Variants in PLEC observed in about 807,000 individuals in gnomAD.
PLEC encodes hemidesmosomal protein 1.
In PLEC, 216 loss-of-function variants were observed where a neutral mutation model predicts 392.8. The observed-to-expected ratio is 0.55, with a 90% CI of 0.49 to 0.62. The LOEUF is 0.62. Among genes scored for constraint, PLEC ranks in the 20% least tolerant of loss-of-function variants. The pLI, the probability that PLEC is intolerant of heterozygous loss-of-function variation, is 0.00. For synonymous variants in PLEC, 3,621 were observed against 2,980.6 expected, an observed-to-expected ratio of 1.21 and a Z score of -7.00; for missense variants, 6,863 against 6,563.4, an observed-to-expected ratio of 1.05 and a Z score of -1.58.
At position 143,932,908 on chromosome 8, in the gene PLEC, C is replaced by A; in HGVS notation, c.1622G>T (p.Gly541Val). Residue 541 changes from glycine (G) to valine (V), a missense_variant, in exon 14 of 32, where the codon GGC (glycine) becomes GTC (valine). Transcript: ENST00000345136. ...GGGCAGGTCCACACCCCACTCAGCG[C>A]CATCCACACGGTGCTGGTTCTCCTC... is the stretch of plus-strand genomic sequence containing the variant. Reference protein sequence around the residue: ...WVEENQHRVDGAEWGVDLPSV... With the variant: ...WVEENQHRVDVAEWGVDLPSV... 6.2e-7 allele frequency: 1 copy of A among 1,612,628 alleles called. No homozygotes were observed. Among genetic ancestry groups the A allele is most frequent in the East Asian group, 2.2e-5 (1 of 44,876 alleles).
upstream of PLEC, chr8:143,950,955 C>T (rs1285689290): frequency 1.5e-5 from 11 of 723,004 alleles, no homozygotes; most frequent in Admixed American, 3.6e-5. Context: ...TCCAGGACGC[C>T]GGGCCGGCCC....
Position 143,918,384 on chromosome 8 carries a change from G to C in PLEC, c.11437C>G (p.Arg3813Gly). Reference sequence around the variant, plus strand: ...TCCAGGGGAAGGTGGAAGCCCAGGCGGGGGTCCACGATGCCGCCGGTGGCC... The same window carrying C: ...TCCAGGGGAAGGTGGAAGCCCAGGCCGGGGTCCACGATGCCGCCGGTGGCC... ...QLATGGIVDP[R>G]LGFHLPLEVA... The change falls in exon 32 of 32, where the codon CGC becomes GGC. Residue 3813 changes from arginine to glycine, a missense_variant. By Grantham distance (125) the Arg-to-Gly change is moderately radical. Coordinates refer to ENST00000345136, the MANE Select transcript of PLEC (RefSeq NM_201384.3). 2 of 1,566,214 alleles carry C rather than the reference G, an allele frequency of 1.3e-6. No individual in the cohort carries two copies. Among genetic ancestry groups the C allele is most frequent in the Non-Finnish European group, 8.6e-7 (1 of 1,161,674 alleles).
rs1014733737 is a variant in PLEC, at chr8:143,937,535, G to A, written c.265-293C>T. ...TGGAGGGCAGTGGCACTAAAGGGGGGGTCCTCCTGCCTGGCGGTGGCAGCC... is the reference window on the plus strand; with the variant it reads ...TGGAGGGCAGTGGCACTAAAGGGGGAGTCCTCCTGCCTGGCGGTGGCAGCC... On this transcript the variant is annotated intron_variant, in intron 3 of 31. Transcript: ENST00000345136. 7 of 534,600 alleles carry A rather than the reference G, an allele frequency of 1.3e-5. No individual in the cohort carries two copies. In the Admixed American group the frequency reaches 1.8e-4, roughly 14 times the overall value. The allele number at this position is 534,600 out of a possible 1,614,324, so 33.1% of individuals were successfully genotyped here.
At chr8:143,926,021 G>T in intron 30 of PLEC, 137 bp from the exon 31 acceptor site, 1 of 1,026,288 alleles carries the variant, frequency 9.7e-7, no homozygotes, top group East Asian at 2.6e-5. Context: ...CAGCCCGGCG[G>T]AGGAGACAGC....
rs200328762 is a variant in PLEC, at chr8:143,933,076, C to A, written c.1454G>T (p.Arg485Leu). 100 of 1,589,546 alleles carry A rather than the reference C, an allele frequency of 6.3e-5. No individual in the cohort carries two copies. The African/African-American group carries it at 1.2e-3, about 20-fold the overall frequency. Residue 485 changes from arginine (R) to leucine (L), a missense_variant, in exon 14 of 32, where the codon CGC (arginine) becomes CTC (leucine). Arg to Leu is a moderately radical substitution (Grantham distance 102, BLOSUM62 -2). Coordinates refer to ENST00000345136, the MANE Select transcript of PLEC (RefSeq NM_201384.3). ...YRLHERLVAI[R>L]TEYNLRLKAG... ...CTTCAGCCGTAGGTTGTACTCGGTG[C>A]GGATGGCTACCAGGCGCTCGTGCAG...
intron 1 of PLEC, among the ~76,000 whole-genome samples, chr8:143,972,827 G>A (rs376405447): frequency 2.6e-5 from 4 of 152,280 alleles, no homozygotes; most frequent in African/African-American, 9.6e-5. Flanking sequence ...CAAGCAGGTG[G>A]GCAGGCCACT....
At chr8:143,975,004 G>T (rs1833608118), upstream of PLEC, among the ~76,000 whole-genome samples, 1 of 152,206 alleles carries the variant, frequency 6.6e-6, no homozygotes, top group Admixed American at 6.5e-5. The surrounding 1 kb of genome is among the most constrained non-coding windows in gnomAD (Gnocchi z 9.9). Context: ...GGGCGCGGCC[G>T]GCAGGTGGCG....
chr8:143,921,378 C>A lies in PLEC; in HGVS notation c.8443G>T (p.Val2815Phe), dbSNP rs374195278. The change falls in exon 32 of 32, where the codon GTT becomes TTT. Residue 2815 changes from valine to phenylalanine, a missense_variant. By Grantham distance (50) the Val-to-Phe change is conservative. Coordinates refer to ENST00000345136, the MANE Select transcript of PLEC (RefSeq NM_201384.3). ...LLEAQIATGG[V>F]IDPVHSHRVP... is the part of the protein sequence containing the mutation. ...CGGTGGCTGTGCACGGGGTCGATAA[C>A]GCCGCCCGTGGCGATCTGGGCCTCC... The A allele has an allele frequency of 6.2e-7, 1 of 1,613,346 alleles. No homozygotes were observed. The highest frequency in any genetic ancestry group is 2.2e-5 in the East Asian group (1 of 44,868).
rs782015718 is a variant in PLEC at position 143,925,533 on chromosome 8, G to A, written c.4396C>T (p.Arg1466Cys). ...VVRLQLEATE[R>C]QRGGAEGELQ... Reference sequence around the variant, plus strand: ...TCCCCCTCAGCCCCGCCACGCTGGCGCTCGGTGGCCTCCAACTGCAGGCGC... The same window carrying A: ...TCCCCCTCAGCCCCGCCACGCTGGCACTCGGTGGCCTCCAACTGCAGGCGC... The change falls in exon 31 of 32, where the codon CGC becomes TGC. Residue 1466 changes from arginine to cysteine, a missense_variant. By Grantham distance (180) the Arg-to-Cys change is radical. Transcript: ENST00000345136. 15 of 1,595,050 alleles carry A rather than the reference G, an allele frequency of 9.4e-6. No homozygotes were observed. Among genetic ancestry groups the A allele is most frequent in the Middle Eastern group, 1.7e-4 (1 of 6,022 alleles).
At chr8:143,956,873 A>G (rs1022307154), upstream of PLEC, among the ~76,000 whole-genome samples, 2 of 152,188 alleles carry the variant, frequency 1.3e-5, no homozygotes, top group Non-Finnish European at 2.9e-5. Context: ...TGACCCTGGG[A>G]AGGGCTCAGC....
At chr8:143,926,205 A>G (rs1825128914) in intron 30 of PLEC, among the ~76,000 whole-genome samples, 1 of 152,180 alleles carries the variant, frequency 6.6e-6, no homozygotes, top group Admixed American at 6.5e-5. Flanking sequence ...CACACCCAGC[A>G]CACAGCCCTG....
chr8:143,926,689 G>T lies in PLEC; in HGVS notation c.4044+95C>A. On this transcript the variant is annotated intron_variant, in intron 30 of 31. Transcript: ENST00000345136. ...CAGTGGGGAGAGTGGGGAGGGCCAC[G>T]AGAGGTGGCCTCAGGCAGCTCCTGT... The T allele has an allele frequency of 1.2e-5, 12 of 1,027,438 alleles. 1 individual carries two copies. The South Asian group carries it at 1.4e-4, about 12-fold the overall frequency. The allele number at this position is 1,027,438 out of a possible 1,614,324, so 63.6% of individuals were successfully genotyped here.
At chr8:143,926,736 G>T in intron 30 of PLEC, 48 bp downstream of exon 30, 1 of 1,459,596 alleles carries the variant, frequency 6.9e-7, no homozygotes, top group Non-Finnish European at 9.6e-7. Flanking sequence ...GGACACAACA[G>T]GTGGTGAGAT....
Position 143,922,239 on chromosome 8 carries a change from G to A in PLEC, c.7582C>T (p.Gln2528Ter). 1 of 1,587,184 alleles carries A rather than the reference G, an allele frequency of 6.3e-7. No individual in the cohort carries two copies. Among genetic ancestry groups the A allele is most frequent in the South Asian group, 1.1e-5 (1 of 89,252 alleles). ...CGCTGCTGCTCCTCACGCAGCTGCT[G>A]TGCCTTGGCCACCTCGTCCTGGAAG... The part of the protein sequence containing the change: ...QLFQDEVAKA[Q>*]QLREEQQRQQ... Residue 2528 changes from glutamine to a stop codon, truncating the protein, a stop_gained, in exon 32 of 32, where the codon CAG becomes TAG. Transcript: ENST00000345136. LOFTEE classifies it low-confidence loss of function (END_TRUNC).
Position 143,973,012 on chromosome 8 carries a change from G to GC in PLEC, c.70+390dup, listed in dbSNP as rs1301026815. Among the ~76,000 whole-genome samples the GC allele has an allele frequency of 5.9e-5, 9 of 152,218 alleles. No homozygotes were observed. The highest frequency in any genetic ancestry group is 1.3e-4 in the Non-Finnish European group (9 of 68,028). ...CGGCAACTATGTGACCCATTGCCAG[G>GC]CGGCGGAGCTGCCCCTGTTCCATGC... On this transcript the variant is annotated intron_variant, in intron 1 of 31. Transcript: ENST00000356346. The surrounding 1 kb of genome is among the most constrained non-coding windows in gnomAD (Gnocchi z 5.6).
At chr8:143,952,635 C>A (rs1207057138), upstream of PLEC, among the ~76,000 whole-genome samples, 2 of 152,038 alleles carry the variant, frequency 1.3e-5, no homozygotes, top group East Asian at 1.9e-4. Flanking sequence ...TAATCCCCCC[C>A]AGATCTCCAA....
At position 143,917,909 on chromosome 8, in the gene PLEC, G is replaced by A. The variant is rs763522241; in HGVS notation, c.11912C>T (p.Ala3971Val). The A allele has an allele frequency of 1.4e-5, 23 of 1,612,758 alleles. No homozygotes were observed. The highest frequency in any genetic ancestry group is 2.2e-5 in the East Asian group (1 of 44,868). ...GGGGTCGATGACGTAACCGGTGGCC[G>A]CCTGCGCCTCCAGGAGCTCAAAGGC... ...GTAFELLEAQ[A>V]ATGYVIDPIK... is the part of the protein sequence containing the mutation. The change falls in exon 32 of 32, where the codon GCG (alanine) becomes GTG (valine). Residue 3971 changes from alanine (A) to valine (V), a missense_variant. By Grantham distance (64) the Ala-to-Val change is moderately conservative. Coordinates refer to ENST00000345136, the MANE Select transcript of PLEC (RefSeq NM_201384.3).
chr8:143,932,074 C>A (rs782144272), intron 17 of PLEC, 42 bp from the exon 18 acceptor site: 1 of 1,561,972 alleles, frequency 6.4e-7, no homozygotes, highest in East Asian at 2.3e-5. Context: ...CCCCGCCCCG[C>A]CTGGGGACCC....
At chr8:143,958,686 G>A (rs782636025), upstream of PLEC, 11 of 453,870 alleles carry the variant, frequency 2.4e-5, no homozygotes, top group Non-Finnish European at 4.0e-5. This position sits in a 1 kb window ranked among gnomAD's most constrained non-coding sequence, Gnocchi z 4.9. Flanking sequence ...CCCTCCTCAC[G>A]CAGGCACCTG....
Sources: gnomAD v4.1 joint callset for allele counts (sites outside exome capture counted in the v4.1 genomes callset) on GRCh38, gnomAD v4.1.1 for gene constraint, Gnocchi (gnomAD v3.1) non-coding constraint, MANE v1.5 for transcripts, NCBI Gene and HGNC (gene_info 2026-07-23, HGNC 2026-07-21) for gene names.